The following PPP6R3 variants were observed in gnomAD, a reference collection of about 807,000 sequenced individuals.
PPP6R3 encodes serine/threonine-protein phosphatase 6 regulatory subunit 3.
In PPP6R3, 38 loss-of-function variants were observed where a neutral mutation model predicts 110.7. That is an observed-to-expected ratio of 0.34 (90% confidence interval 0.26 to 0.45). The LOEUF (loss-of-function observed/expected upper bound fraction) is 0.45, where lower values mean the gene tolerates loss of function less well. Ranked by LOEUF, PPP6R3 falls within the 20% of genes least tolerant of loss-of-function variation. The pLI is 1.00. For synonymous variants in PPP6R3, 369 were observed against 373.5 expected, an observed-to-expected ratio of 0.99 and a Z score of 0.14; for missense variants, 870 against 1,062.4, an observed-to-expected ratio of 0.82 and a Z score of 2.52.
At position 68,614,647 on chromosome 11, in the gene PPP6R3, A is replaced by G. The variant is rs1357535368; in HGVS notation, c.*1530A>G. ...TCATTTTAAGTGGTGTGGAGATTCC[A>G]GCACTCCCAGGACAGTGGAGTCAGC... On this transcript the variant is annotated 3_prime_UTR_variant, in exon 24 of 24. Coordinates refer to ENST00000393800, the MANE Select transcript of PPP6R3 (RefSeq NM_001164161.2). The G allele has an allele frequency of 6.6e-7, 1 of 1,518,006 alleles. No homozygotes were observed. The highest frequency in any genetic ancestry group is 2.6e-5 in the Admixed American group (1 of 38,090). The allele number at this position is 1,518,006 out of a possible 1,614,324, so 94.0% of individuals were successfully genotyped here.
At chr11:68,594,335 TGA>T (rs560088974) in intron 18 of PPP6R3, among the ~76,000 whole-genome samples, 12 of 81,498 alleles carry the variant, frequency 1.5e-4, no homozygotes, top group East Asian at 3.4e-4. Context: ...AGAGAGAGAG[TGA>T]GAGAGAGAGT....
chr11:68,500,500 C>T (rs1411678074), intron 1 of PPP6R3, among the ~76,000 whole-genome samples: 1 of 152,058 alleles, frequency 6.6e-6, no homozygotes, highest in African/African-American at 2.4e-5. Flanking sequence ...TTTTTTGAGA[C>T]GAAGTCTCAG....
intron 1 of PPP6R3, among the ~76,000 whole-genome samples, chr11:68,496,541 C>T (rs370893154): frequency 1.4e-4 from 21 of 152,150 alleles, no homozygotes; most frequent in South Asian, 8.3e-4. Context: ...AGTGCAATCT[C>T]AGCTCGCTGC....
intron 3 of PPP6R3, among the ~76,000 whole-genome samples, chr11:68,544,432 G>A (rs1160505010): frequency 2.0e-5 from 3 of 152,198 alleles, no homozygotes. Context: ...GCAGTTTCCT[G>A]GAAACCAGTG....
intron 1 of PPP6R3, among the ~76,000 whole-genome samples, chr11:68,511,348 A>G (rs1400890446): frequency 6.6e-6 from 1 of 151,980 alleles, no homozygotes; most frequent in Non-Finnish European, 1.5e-5. Flanking sequence ...TACAGGCATG[A>G]GCCACCGCGC....
intron 1 of PPP6R3, among the ~76,000 whole-genome samples, chr11:68,469,986 G>A (rs1402340856): frequency 6.6e-6 from 1 of 152,084 alleles, no homozygotes; most frequent in Non-Finnish European, 1.5e-5. Context: ...TGTAAATGGA[G>A]TCACTTTGTT....
At chr11:68,506,076 T>G (rs2099074697) in intron 1 of PPP6R3, among the ~76,000 whole-genome samples, 1 of 150,918 alleles carries the variant, frequency 6.6e-6, no homozygotes, top group Admixed American at 6.6e-5. Flanking sequence ...GTATCTTGTT[T>G]TGCCAGTTTA....
At chr11:68,497,923 CTTGG>C (rs2099027373) in intron 1 of PPP6R3, among the ~76,000 whole-genome samples, 1 of 152,058 alleles carries the variant, frequency 6.6e-6, no homozygotes, top group Non-Finnish European at 1.5e-5. Context: ...ATAAAAGAAC[CTTGG>C]TTCAGATGAG....
chr11:68,515,530 G>T (rs1180042669), intron 1 of PPP6R3, among the ~76,000 whole-genome samples: 1 of 152,202 alleles, frequency 6.6e-6, no homozygotes, highest in African/African-American at 2.4e-5. Context: ...TCCAAAACAC[G>T]CCCAGAATTC....
Position 68,614,538 on chromosome 11 carries a change from C to G in PPP6R3, c.*1421C>G. On this transcript the variant is annotated 3_prime_UTR_variant, in exon 24 of 24. Transcript: ENST00000393800. ...CAACAATTTTTTTAGAAGTAGCATC[C>G]CAAGCAGCGTGCCTAAACATTACAT... 1 of 1,454,950 alleles carries G rather than the reference C, an allele frequency of 6.9e-7. No homozygotes were observed. The highest frequency in any genetic ancestry group is 9.0e-7 in the Non-Finnish European group (1 of 1,110,890). 90.1% of individuals were successfully genotyped at this position (1,454,950 alleles called of 1,614,324 possible).
chr11:68,467,958 G>A (rs986596615), intron 1 of PPP6R3, among the ~76,000 whole-genome samples: 1 of 152,108 alleles, frequency 6.6e-6, no homozygotes, highest in African/African-American at 2.4e-5. Context: ...ATTTTTAGTA[G>A]AGATGGAGTT....
At chr11:68,477,741 A>ATATATATATATAT (rs1555021448) in intron 1 of PPP6R3, among the ~76,000 whole-genome samples, 49 of 57,902 alleles carry the variant, frequency 8.5e-4, no homozygotes, top group Admixed American at 1.4e-3. Context: ...AAAAAAAAAA[A>ATATATATATATAT]ATATATATAT....
At chr11:68,602,250 A>C (rs1466916163) in intron 21 of PPP6R3, among the ~76,000 whole-genome samples, 1 of 152,196 alleles carries the variant, frequency 6.6e-6, no homozygotes, top group Admixed American at 6.5e-5. Flanking sequence ...CAGGGTGAAT[A>C]AAACTGGAAT....
Position 68,613,768 on chromosome 11 carries a change from C to T in PPP6R3, c.*651C>T. 2.0e-6 allele frequency: 2 copies of T among 979,986 alleles called. No individual in the cohort carries two copies. The highest frequency in any genetic ancestry group is 2.4e-6 in the Non-Finnish European group (2 of 824,736). The allele number at this position is 979,986 out of a possible 1,614,324, so 60.7% of individuals were successfully genotyped here. A position where few individuals can be genotyped will look rare whatever the true frequency, so the allele number is the denominator to read the frequency against. ...TAGAGATTAAGTAAAGTATTTATTG[C>T]TACATCATAGTTGATAAATTGATGT... On this transcript the variant is annotated 3_prime_UTR_variant, in exon 24 of 24. Coordinates refer to ENST00000393800, the MANE Select transcript of PPP6R3 (RefSeq NM_001164161.2).
At chr11:68,528,314 C>T (rs1460242480) in intron 2 of PPP6R3, among the ~76,000 whole-genome samples, 2 of 150,524 alleles carry the variant, frequency 1.3e-5, no homozygotes, top group Non-Finnish European at 2.9e-5. Flanking sequence ...TTGACACCTT[C>T]TTTGGAAGAA....
intron 1 of PPP6R3, among the ~76,000 whole-genome samples, chr11:68,511,714 C>T (rs2153535908): frequency 6.7e-6 from 1 of 148,902 alleles, no homozygotes; most frequent in Admixed American, 6.7e-5. Flanking sequence ...CTCCTGACTT[C>T]AGATGATCCA....
intron 4 of PPP6R3, among the ~76,000 whole-genome samples, chr11:68,546,106 ATTTC>A (rs1413137754): frequency 6.6e-6 from 1 of 152,200 alleles, no homozygotes; most frequent in Non-Finnish European, 1.5e-5. Context: ...AGAAAGAGAT[ATTTC>A]TTTCTTTCAC....
At chr11:68,576,421 T>C (rs993429882) in intron 14 of PPP6R3, among the ~76,000 whole-genome samples, 6 of 152,218 alleles carry the variant, frequency 3.9e-5, no homozygotes, top group Admixed American at 6.5e-5. Flanking sequence ...AAAGATTCAG[T>C]TGGATATTTT....
chr11:68,515,647 G>C (rs1207102882), intron 1 of PPP6R3, among the ~76,000 whole-genome samples: 1 of 152,196 alleles, frequency 6.6e-6, no homozygotes, highest in East Asian at 1.9e-4. Flanking sequence ...TTATGACCCA[G>C]ACTTTCTCAA....
Sources: gnomAD v4.1 joint callset for allele counts (sites outside exome capture counted in the v4.1 genomes callset) on GRCh38, gnomAD v4.1.1 for gene constraint, MANE v1.5 for transcripts, NCBI Gene and HGNC (gene_info 2026-07-23, HGNC 2026-07-21) for gene names.